The following ZMYM3 variants were observed in gnomAD, a reference collection of about 807,000 sequenced individuals.
The protein encoded by ZMYM3 is zinc finger MYM-type protein 3.
In ZMYM3, 6 loss-of-function variants were observed where a neutral mutation model predicts 94.2. The observed-to-expected ratio is 0.06, with a 90% CI of 0.03 to 0.13. ZMYM3 has a LOEUF of 0.13. ZMYM3 is among the 10% of genes least tolerant of loss of function. The pLI, the probability that ZMYM3 is intolerant of heterozygous loss-of-function variation, is 1.00. For missense variants in ZMYM3, 664 were observed against 1,132.6 expected (o/e 0.59, Z 5.94); for synonymous variants, 420 against 426.5 (o/e 0.98, Z 0.19).
In ZMYM3 at chrX:71,251,158, C is replaced by T. The variant is rs778071972; in HGVS notation, c.778+20G>A. On this transcript the variant is annotated intron_variant, in intron 4 of 24. Coordinates refer to ENST00000314425, the MANE Select transcript of ZMYM3 (RefSeq NM_201599.3). ...CCACACCCAGAACTCCCAGGTCACA[C>T]TTCCTCAAATCCTACTTACTGCTCT... is the stretch of plus-strand genomic sequence containing the variant. The T allele has an allele frequency of 8.3e-7, 1 of 1,209,258 alleles. No individual in the cohort carries two copies. The highest frequency in any genetic ancestry group is 2.2e-5 in the Admixed American group (1 of 45,942).
At position 71,252,718 on chromosome X, in the gene ZMYM3, G is replaced by A. The variant is rs767061461; in HGVS notation, c.538C>T (p.Pro180Ser). 2 of 1,204,832 alleles carry A rather than the reference G, an allele frequency of 1.7e-6. No homozygotes were observed. The highest frequency in any genetic ancestry group is 3.5e-5 in the African/African-American group (2 of 57,252). The change falls in exon 2 of 25, where the codon CCC becomes TCC. Residue 180 changes from proline to serine, a missense_variant. Physicochemically the swap from Pro to Ser is moderately conservative, Grantham distance 74 (BLOSUM62 -1). This residue lies in a region of ZMYM3 where 196 missense variants were observed against 190.8 expected (regional missense o/e 1.03). Transcript: ENST00000314425. Reference sequence around the variant, plus strand: ...TTTGGGCTCTGTGGCTGCCCTTGGGGAAGCTCCTCCTCCTGCCCAGGGGAG... The same window carrying A: ...TTTGGGCTCTGTGGCTGCCCTTGGGAAAGCTCCTCCTCCTGCCCAGGGGAG... ...RGSPGQEEEL[P>S]QGQPQSPNAP...
At chrX:71,254,519 C>G (rs2030667154), upstream of ZMYM3, 1 of 111,475 alleles carries the variant, frequency 9.0e-6, no homozygotes, top group African/African-American at 3.3e-5. Context: ...CCCTGCTCGC[C>G]CTACCTCCTG....
At chrX:71,244,746 G>T in intron 19 of ZMYM3, 44 bp downstream of exon 19, 1 of 1,084,434 alleles carries the variant, frequency 9.2e-7, no homozygotes, top group East Asian at 3.1e-5. Flanking sequence ...TCTCCCCTTT[G>T]GGCCTCCATT....
At position 71,242,420 on chromosome X, in the gene ZMYM3, C is replaced by T. The variant is rs375862549; in HGVS notation, c.3552G>A (p.Thr1184=). 24 of 1,208,823 alleles carry T rather than the reference C, an allele frequency of 2.0e-5. No individual in the cohort carries two copies. Among genetic ancestry groups the T allele is most frequent in the African/African-American group, 3.5e-5 (2 of 57,138 alleles). Residue 1184 remains threonine, a synonymous_variant, in exon 23 of 25, where the codon ACG becomes ACA. Transcript: ENST00000314425. ...GCTCCTCCTCCACTCGAGAGAACAC[C>T]GTATCTACAATGGTCAAGGGGGAGA... ...TWQPTLLPNN[T]VFSRVEEEHL... is the part of the protein sequence containing the mutation.
rs1207596453 is a variant in ZMYM3, at chrX:71,253,235, G to C, written c.21C>G (p.Pro7=). 2 of 1,166,983 alleles carry C rather than the reference G, an allele frequency of 1.7e-6. No individual in the cohort carries two copies. The highest frequency in any genetic ancestry group is 3.6e-5 in the African/African-American group (2 of 55,757). ...GCAGGGTCAATGGGTCAAATGGACT[G>C]GGGAAATCACTGGGGTCCATGAGTA... MDPSDF[P]SPFDPLTLPE... Residue 7 remains proline (P), a synonymous_variant, in exon 2 of 25, where the codon CCC becomes CCG. Coordinates refer to ENST00000314425, the MANE Select transcript of ZMYM3 (RefSeq NM_201599.3).
intron 18 of ZMYM3, among the ~76,000 whole-genome samples, chrX:71,245,127 T>TAAAAAAAA (rs5902685): frequency 2.7e-3 from 113 of 42,152 alleles, no homozygotes; most frequent in Non-Finnish European, 3.2e-3. Context: ...GCTTAAAAAT[T>TAAAAAAAA]AAAAAAAAAA....
Position 71,248,418 on chromosome X carries a change from G to T in ZMYM3, c.1824+20C>A. 8.3e-7 allele frequency: 1 copy of T among 1,204,609 alleles called. No individual in the cohort carries two copies. The highest frequency in any genetic ancestry group is 1.1e-6 in the Non-Finnish European group (1 of 891,067). ...CAGTCTGGTCGTGTGGCAAGACGTG[G>T]GTGGGGGTGGGGCTCTTACCTGCCA... On this transcript the variant is annotated intron_variant, in intron 10 of 24. Coordinates refer to ENST00000314425, the MANE Select transcript of ZMYM3 (RefSeq NM_201599.3).
intron 6 of ZMYM3, 125 bp from the exon 7 acceptor site, chrX:71,249,804 C>G: frequency 9.1e-7 from 1 of 1,102,895 alleles, no homozygotes; most frequent in Non-Finnish European, 1.2e-6. Context: ...ACCCCCCAAC[C>G]TGCGCCGCAG....
intron 4 of ZMYM3, 71 bp downstream of exon 4, chrX:71,251,107 T>C: frequency 2.8e-6 from 3 of 1,076,094 alleles, no homozygotes; most frequent in Non-Finnish European, 3.9e-6. Context: ...ATCCATGCCC[T>C]GCCGCATGCC....
At chrX:71,244,590 TC>T in intron 19 of ZMYM3, 120 bp from the exon 20 acceptor site, 1 of 924,679 alleles carries the variant, frequency 1.1e-6, no homozygotes, top group African/African-American at 2.0e-5. Flanking sequence ...ACAGCAAGCT[TC>T]CATAGCACAG....
In ZMYM3 at chrX:71,247,401, C is replaced by T; in HGVS notation, c.2258G>A (p.Ser753Asn). ...CNQQCLLRFY[S>N]QQNQPNLDTQ... ...ATCCAGGTTGGGTTGGTTCTGCTGG[C>T]TATAGAAACGCAGAAGACACTGCTG... The change falls in exon 13 of 25, where the codon AGC becomes AAC. Residue 753 changes from serine (S) to asparagine (N), a missense_variant. Ser to Asn is a conservative substitution (Grantham distance 46). Transcript: ENST00000314425. 1 of 1,205,914 alleles carries T rather than the reference C, an allele frequency of 8.3e-7. No homozygotes were observed. The highest frequency in any genetic ancestry group is 1.1e-6 in the Non-Finnish European group (1 of 892,397).
chrX:71,240,786 A>C lies in ZMYM3; in HGVS notation c.*130T>G. On this transcript the variant is annotated 3_prime_UTR_variant, in exon 25 of 25. Transcript: ENST00000314425. Reference sequence around the variant, plus strand: ...CCAGGGTTCCTAGAGAAGGCAGGGAATGGGTGAGCGGAAAGGAGCAGTCAG... The same window carrying C: ...CCAGGGTTCCTAGAGAAGGCAGGGACTGGGTGAGCGGAAAGGAGCAGTCAG... The C allele has an allele frequency of 1.3e-5, 8 of 633,627 alleles. No individual in the cohort carries two copies. Among genetic ancestry groups the C allele is most frequent in the Non-Finnish European group, 1.7e-5 (7 of 416,703 alleles). The allele number at this position is 633,627 out of a possible 1,213,427, so 52.2% of individuals were successfully genotyped here. A position where few individuals can be genotyped will look rare whatever the true frequency, so the allele number is the denominator to read the frequency against.
chrX:71,249,994 T>G (rs375013806), intron 6 of ZMYM3, 32 bp downstream of exon 6: 39 of 1,147,994 alleles, frequency 3.4e-5, no homozygotes, highest in Non-Finnish European at 4.5e-5. Flanking sequence ...CTGGCCAGGC[T>G]CTGTAAATCA....
At chrX:71,244,033 AT>A in intron 20 of ZMYM3, 53 bp from the exon 21 acceptor site, 1 of 1,177,170 alleles carries the variant, frequency 8.5e-7, no homozygotes. Flanking sequence ...TACATGGAGA[AT>A]TTCACTTAGC....
rs1438580209 is a variant in ZMYM3, at chrX:71,249,442, A to C, written c.1470+19T>G. Reference sequence around the variant, plus strand: ...ACCCCCTTCCACAGCCCTCTAATGCACTACTCCCTCGGCCCCACCTTCTTG... The same window carrying C: ...ACCCCCTTCCACAGCCCTCTAATGCCCTACTCCCTCGGCCCCACCTTCTTG... On this transcript the variant is annotated intron_variant, in intron 7 of 24. Coordinates refer to ENST00000314425, the MANE Select transcript of ZMYM3 (RefSeq NM_201599.3). 6.0e-6 allele frequency: 7 copies of C among 1,175,100 alleles called. No individual in the cohort carries two copies. The highest frequency in any genetic ancestry group is 6.8e-6 in the Non-Finnish European group (6 of 876,565).
intron 1 of ZMYM3, among the ~76,000 whole-genome samples, chrX:71,253,747 G>C (rs1309569696): frequency 8.2e-5 from 1 of 12,211 alleles, no homozygotes; most frequent in East Asian, 3.8e-3. Flanking sequence ...CCCTCCCCGC[G>C]TTGCTAGGTC....
Position 71,251,552 on chromosome X carries a change from C to G in ZMYM3, c.711+6G>C. On this transcript the variant is annotated splice_donor_region_variant and intron_variant, in intron 3 of 24. Coordinates refer to ENST00000314425, the MANE Select transcript of ZMYM3 (RefSeq NM_201599.3). ...ACCAGACTCCTTCCAATCCCCTCCC[C>G]CTCACCCGTTCAGGCGGCTTCTCAC... 8.4e-7 allele frequency: 1 copy of G among 1,190,231 alleles called. No individual in the cohort carries two copies. The highest frequency in any genetic ancestry group is 1.9e-5 in the South Asian group (1 of 53,649).
chrX:71,251,863 G>T (rs1299326760), intron 2 of ZMYM3: 1 of 750,954 alleles, frequency 1.3e-6, no homozygotes, highest in East Asian at 1.5e-4. Context: ...TGGGGGTTAA[G>T]GAAACACAGG....
In ZMYM3 at chrX:71,247,438, G is replaced by T; in HGVS notation, c.2221C>A (p.His741Asn). 8.3e-7 allele frequency: 1 copy of T among 1,210,803 alleles called. No individual in the cohort carries two copies. Among genetic ancestry groups the T allele is most frequent in the Non-Finnish European group, 1.1e-6 (1 of 894,892 alleles). ...AGAAGACACTGCTGGTTGCAGAAAT[G>T]ACGGATCTGCCCACGCCAGTGGATG... ...ETIHWRGQIR[H>N]FCNQQCLLRF... The change falls in exon 13 of 25, where the codon CAT (histidine) becomes AAT (asparagine). Residue 741 changes from histidine (H) to asparagine (N), a missense_variant. This residue lies in a region of ZMYM3 where 159 missense variants were observed against 313.0 expected (regional missense o/e 0.51). Coordinates refer to ENST00000314425, the MANE Select transcript of ZMYM3 (RefSeq NM_201599.3).
Sources: gnomAD v4.1 joint callset for allele counts (sites outside exome capture counted in the v4.1 genomes callset) on GRCh38, gnomAD v4.1.1 for gene constraint, gnomAD v4.1.1 regional missense constraint, MANE v1.5 for transcripts, NCBI Gene and HGNC (gene_info 2026-07-23, HGNC 2026-07-21) for gene names.